Variants in STAU2 observed in about 807,000 individuals in gnomAD.
STAU2 encodes staufen double-stranded RNA binding protein 2.
In STAU2, 20 loss-of-function variants were observed where a neutral mutation model predicts 65.9. That is an observed-to-expected ratio of 0.30 (90% CI 0.21 to 0.44). The LOEUF (loss-of-function observed/expected upper bound fraction) is 0.44, where lower values mean the gene tolerates loss of function less well. STAU2 is among the 20% of genes least tolerant of loss of function. The pLI is 1.00. For missense variants in STAU2, 558 were observed against 683.9 expected (o/e 0.82, Z 2.05); for synonymous variants, 232 against 233.9 (o/e 0.99, Z 0.07).
intron 1 of STAU2, among the ~76,000 whole-genome samples, chr8:73,740,642 TTAAAAAG>T (rs1187392456): frequency 6.6e-6 from 1 of 152,044 alleles, no homozygotes; most frequent in African/African-American, 2.4e-5. Flanking sequence ...AACAGTTCAT[TTAAAAAG>T]TAAAGTGTGA....
At chr8:73,435,916 T>A (rs545120755) in intron 13 of STAU2, among the ~76,000 whole-genome samples, 1 of 151,920 alleles carries the variant, frequency 6.6e-6, no homozygotes, top group East Asian at 1.9e-4. Context: ...AGCCTGGGTC[T>A]GTAGGGCAAT....
chr8:73,622,034 G>A (rs547705308), intron 6 of STAU2, among the ~76,000 whole-genome samples: 40 of 139,890 alleles, frequency 2.9e-4, no homozygotes, highest in African/African-American at 8.4e-4. Context: ...TCGGCTCCCC[G>A]CAAGCTCCGC....
At chr8:73,711,319 G>C (rs569079590) in intron 3 of STAU2, among the ~76,000 whole-genome samples, 5 of 152,150 alleles carry the variant, frequency 3.3e-5, no homozygotes, top group African/African-American at 1.2e-4. Context: ...AAGGTAACCT[G>C]AGACGATAAT....
intron 3 of STAU2, among the ~76,000 whole-genome samples, chr8:73,712,200 T>C (rs547103053): frequency 2.4e-4 from 37 of 152,302 alleles, no homozygotes; most frequent in African/African-American, 8.4e-4. Flanking sequence ...TGAAGATAGT[T>C]TGAAATAGTC....
At chr8:73,696,023 G>A (rs1819676274) in intron 4 of STAU2, among the ~76,000 whole-genome samples, 1 of 152,204 alleles carries the variant, frequency 6.6e-6, no homozygotes, top group Admixed American at 6.5e-5. Flanking sequence ...CAATCCCAGG[G>A]ATGATGACCA....
intron 13 of STAU2, chr8:73,527,650 G>T: frequency 6.8e-7 from 1 of 1,464,578 alleles, no homozygotes; most frequent in Non-Finnish European, 9.2e-7. Flanking sequence ...CCATTTCCGA[G>T]CTGGGCCATA....
intron 6 of STAU2, among the ~76,000 whole-genome samples, chr8:73,649,273 T>A (rs1787094841): frequency 6.6e-6 from 1 of 152,194 alleles, no homozygotes; most frequent in South Asian, 2.1e-4. Flanking sequence ...TGATATCCAA[T>A]AAGTGGCATT....
chr8:73,584,668 G>A (rs7826870), intron 11 of STAU2, among the ~76,000 whole-genome samples: 27,748 of 151,880 alleles, frequency 0.18, 2,771 homozygotes, highest in African/African-American at 0.27. Flanking sequence ...AAAGGAATGA[G>A]CAAAAAAGTT....
chr8:73,475,056 A>G (rs906069641), intron 13 of STAU2, among the ~76,000 whole-genome samples: 4 of 152,232 alleles, frequency 2.6e-5, no homozygotes, highest in African/African-American at 4.8e-5. Context: ...GCAAAGTACA[A>G]AAACAAACAC....
At chr8:73,528,877 G>A (rs921863378) in intron 13 of STAU2, among the ~76,000 whole-genome samples, 13 of 151,970 alleles carry the variant, frequency 8.6e-5, no homozygotes, top group African/African-American at 1.9e-4. Flanking sequence ...TATGGCCTAC[G>A]TTTATTTAAT....
intron 5 of STAU2, among the ~76,000 whole-genome samples, chr8:73,681,090 A>G (rs976264846): frequency 3.9e-5 from 6 of 152,124 alleles, no homozygotes; most frequent in African/African-American, 1.4e-4. Flanking sequence ...AGATCTAGAC[A>G]TCCAAATACA....
Position 73,646,675 on chromosome 8 carries a change from G to C in STAU2, c.410+26432C>G, listed in dbSNP as rs1000723835. Among the ~76,000 whole-genome samples, 6 of 152,118 alleles carry C rather than the reference G, an allele frequency of 3.9e-5. 1 individual carries two copies. The highest frequency in any genetic ancestry group is 3.9e-4 in the Admixed American group (6 of 15,278). ...GATCTAGATTTGGTGAGGAGATTTA[G>C]ACTTGATACCCAAAGCACACTCACA... On this transcript the variant is annotated intron_variant, in intron 6 of 14. Transcript: ENST00000524300.
intron 3 of STAU2, among the ~76,000 whole-genome samples, chr8:73,721,877 T>C (rs946524182): frequency 6.6e-6 from 1 of 152,232 alleles, no homozygotes; most frequent in Non-Finnish European, 1.5e-5. Flanking sequence ...CTGGAGTGTT[T>C]AGACAATTTA....
At chr8:73,664,758 A>G (rs1451550557) in intron 6 of STAU2, among the ~76,000 whole-genome samples, 1 of 152,136 alleles carries the variant, frequency 6.6e-6, no homozygotes, top group Non-Finnish European at 1.5e-5. Context: ...TGGGAGGACG[A>G]GGTGGGCAGA....
At chr8:73,437,483 A>G (rs1817789001) in intron 13 of STAU2, among the ~76,000 whole-genome samples, 2 of 152,124 alleles carry the variant, frequency 1.3e-5, no homozygotes, top group South Asian at 4.2e-4. Flanking sequence ...TCTCCCCTAG[A>G]GCCTCCAGAA....
chr8:73,555,087 T>C (rs983943362), intron 12 of STAU2, among the ~76,000 whole-genome samples: 3 of 152,078 alleles, frequency 2.0e-5, no homozygotes, highest in Admixed American at 6.6e-5. Context: ...GGAACGAAAA[T>C]GGATAATACA....
intron 3 of STAU2, among the ~76,000 whole-genome samples, chr8:73,734,279 A>G (rs1214210370): frequency 6.9e-6 from 1 of 145,662 alleles, no homozygotes; most frequent in African/African-American, 2.5e-5. Context: ...TACAGTAAGC[A>G]TAAGTTGCAC....
At chr8:73,528,204 A>G (rs890797524) in intron 13 of STAU2, among the ~76,000 whole-genome samples, 2 of 152,194 alleles carry the variant, frequency 1.3e-5, no homozygotes, top group African/African-American at 4.8e-5. Flanking sequence ...TGTGTATGTG[A>G]CTGCCACATA....
In STAU2 at chr8:73,552,227, A is replaced by G; in HGVS notation, c.1315T>C (p.Leu439=). Residue 439 remains leucine, a synonymous_variant, in exon 13 of 15, where the codon TTG becomes CTG. Coordinates refer to ENST00000524300, the MANE Select transcript of STAU2 (RefSeq NM_001164380.2). ...KVISGTTLGY[L]SPKDMNQPSS... Reference sequence around the variant, plus strand: ...GGTTGGTTCATATCTTTGGGTGACAAATAGCCTAGAGTAGTGCCAGAGATT... The same window carrying G: ...GGTTGGTTCATATCTTTGGGTGACAGATAGCCTAGAGTAGTGCCAGAGATT... The G allele has an allele frequency of 6.2e-7, 1 of 1,614,024 alleles. No individual in the cohort carries two copies.
Sources: allele counts gnomAD v4.1 joint callset (sites outside exome capture counted in the v4.1 genomes callset), GRCh38; gene constraint gnomAD v4.1.1; transcripts MANE v1.5; gene names NCBI Gene and HGNC (gene_info 2026-07-23, HGNC 2026-07-21).